Variants in DNAH12 observed in about 807,000 individuals in gnomAD.
DNAH12 encodes the protein axonemal beta dynein heavy chain 12.
DNAH12 carries 285 observed loss-of-function variants against 371.5 expected under a neutral mutation model. The observed-to-expected ratio is 0.77, with a 90% CI of 0.70 to 0.85. The LOEUF (loss-of-function observed/expected upper bound fraction) is 0.85. DNAH12 is among the 40% of genes least tolerant of loss of function. DNAH12 has a pLI of 0.00. For synonymous variants in DNAH12, 1,200 were observed against 1,213.0 expected, an observed-to-expected ratio of 0.99 and a Z score of 0.22; for missense variants, 3,611 against 3,689.4, an observed-to-expected ratio of 0.98 and a Z score of 0.55.
At chr3:57,513,280 C>T (rs2068065533) in intron 4 of DNAH12, among the ~76,000 whole-genome samples, 1 of 152,116 alleles carries the variant, frequency 6.6e-6, no homozygotes, top group East Asian at 1.9e-4. Flanking sequence ...GAAAACCAAA[C>T]ACCGCATGTT....
chr3:57,396,873 G>T (rs2063752736), intron 43 of DNAH12, among the ~76,000 whole-genome samples: 1 of 152,110 alleles, frequency 6.6e-6, no homozygotes, highest in African/African-American at 2.4e-5. Flanking sequence ...AGGAAAAAAA[G>T]AATTAGCCAG....
chr3:57,495,262 A>C (rs2067266969), intron 11 of DNAH12, among the ~76,000 whole-genome samples: 1 of 152,142 alleles, frequency 6.6e-6, no homozygotes, highest in Non-Finnish European at 1.5e-5. Flanking sequence ...CTTCAGAATA[A>C]GAAATATAAT....
chr3:57,494,830 G>A (rs552055922), intron 11 of DNAH12, among the ~76,000 whole-genome samples: 89 of 152,060 alleles, frequency 5.9e-4, no homozygotes, highest in Non-Finnish European at 1.2e-3. Flanking sequence ...GCAACATGGT[G>A]AAACCCCTTC....
In DNAH12 at chr3:57,413,834, T is replaced by G; in HGVS notation, c.5932A>C (p.Ile1978Leu). ...AATGCAGGCATATTCATATCATCTATAAAAATTATACACTTCTTTCCCATA... is the reference window on the plus strand; with the variant it reads ...AATGCAGGCATATTCATATCATCTAGAAAAATTATACACTTCTTTCCCATA... ...PPMGKKCIIF[I>L]DDMNMPALEK... Residue 1978 changes from isoleucine (I) to leucine (L), a missense_variant, in exon 39 of 74, where the codon ATA (isoleucine) becomes CTA (leucine). Physicochemically the swap from Ile to Leu is conservative, Grantham distance 5. Coordinates refer to ENST00000495027, the MANE Select transcript of DNAH12 (RefSeq NM_001366028.2). 6.4e-7 allele frequency: 1 copy of G among 1,551,248 alleles called. No homozygotes were observed. The highest frequency in any genetic ancestry group is 1.7e-4 in the Middle Eastern group (1 of 5,986).
chr3:57,523,679 A>G, intron 3 of DNAH12, 70 bp from the exon 4 acceptor site: 1 of 1,304,342 alleles, frequency 7.7e-7, no homozygotes, highest in Non-Finnish European at 1.0e-6. Context: ...TTGTTTAAAA[A>G]TTAAATATAT....
At chr3:57,487,372 AG>A (rs1236416593) in intron 12 of DNAH12, among the ~76,000 whole-genome samples, 1 of 76,610 alleles carries the variant, frequency 1.3e-5, no homozygotes, top group African/African-American at 4.7e-5. Context: ...AGAGAAAGAA[AG>A]AAAAAAAAAA....
chr3:57,435,391 AAG>A lies in DNAH12; in HGVS notation c.4655+1558_4655+1559del, dbSNP rs1553691244. 4.6e-5 allele frequency among the ~76,000 whole-genome samples: 7 copies of A among 151,210 alleles called. No individual in the cohort carries two copies. The East Asian group carries it at 1.4e-3, about 29-fold the overall frequency. On this transcript the variant is annotated intron_variant, in intron 30 of 73. Transcript: ENST00000495027. ...TGTCTCCCAAAAAAAAAAAAAAAAA[AAG>A]AATATAATTCCCAGTAATCATTTCA...
rs1169602185 is a variant in DNAH12, at chr3:57,371,941, C to CAAA, written c.8759+3427_8759+3429dup. On this transcript the variant is annotated intron_variant, in intron 55 of 73. Transcript: ENST00000495027. ...TGTCAACCCAGAATTCTAAACTCAG[C>CAAA]AAAAAAAAAAAAAAAAAAAAAAAAT... 6.2e-4 allele frequency among the ~76,000 whole-genome samples: 16 copies of CAAA among 25,826 alleles called. 1 individual carries two copies. Among genetic ancestry groups the CAAA allele is most frequent in the Non-Finnish European group, 5.4e-4 (7 of 12,854 alleles). The allele number at this position is 25,826 out of a possible 152,430, so 16.9% of individuals were successfully genotyped here.
intron 37 of DNAH12, 88 bp from the exon 38 acceptor site, chr3:57,415,652 A>T: frequency 7.7e-7 from 1 of 1,291,560 alleles, no homozygotes; most frequent in Non-Finnish European, 1.0e-6. Context: ...AAAAGTGTAC[A>T]TAAGAATCAA....
At chr3:57,515,050 A>G (rs1168147273) in intron 4 of DNAH12, among the ~76,000 whole-genome samples, 2 of 152,198 alleles carry the variant, frequency 1.3e-5, no homozygotes, top group African/African-American at 4.8e-5. Context: ...GAAGCTATGC[A>G]TAGAGAAAGG....
rs2063596176 is a variant in DNAH12 at position 57,390,427 on chromosome 3, AT to A, written c.7305+1444del. On this transcript the variant is annotated intron_variant, in intron 45 of 73. Transcript: ENST00000495027. ...CTGTCTCAAAAAAAAAAAAAAAAAT[AT>A]ATATATATATATATATATATATACT... 2.8e-3 allele frequency among the ~76,000 whole-genome samples: 140 copies of A among 50,334 alleles called. 4 individuals are homozygous for A. The highest frequency in any genetic ancestry group is 7.1e-3 in the African/African-American group (130 of 18,250). 33.0% of individuals were successfully genotyped at this position (50,334 alleles called of 152,430 possible). A position where few individuals can be genotyped will look rare whatever the true frequency, so the allele number is the denominator to read the frequency against.
intron 69 of DNAH12, among the ~76,000 whole-genome samples, chr3:57,304,039 C>T (rs778264568): frequency 3.3e-5 from 5 of 151,698 alleles, no homozygotes; most frequent in Non-Finnish European, 7.4e-5. Context: ...AAAATCTCCC[C>T]CACTGAGCAC....
At chr3:57,492,182 C>T (rs915325427) in intron 11 of DNAH12, among the ~76,000 whole-genome samples, 1 of 151,510 alleles carries the variant, frequency 6.6e-6, no homozygotes. Flanking sequence ...AATAATAGGC[C>T]GGGAGTGGTG....
chr3:57,296,946 C>G lies in DNAH12; in HGVS notation c.11433G>C (p.Leu3811=), dbSNP rs972892502. 91 of 1,551,550 alleles carry G rather than the reference C, an allele frequency of 5.9e-5. No individual in the cohort carries two copies. Among genetic ancestry groups the G allele is most frequent in the Non-Finnish European group, 7.4e-5 (85 of 1,146,996 alleles). The part of the protein sequence containing the change: ...YNSGKPCVFW[L]SGFFFTQAFL... ...AGGCCTGAGTGAAAAAGAAACCTGA[C>G]AGCCAAAACACACAAGGTTTTCCTG... Residue 3811 remains leucine, a synonymous_variant, in exon 71 of 74, where the codon CTG becomes CTC. Coordinates refer to ENST00000495027, the MANE Select transcript of DNAH12 (RefSeq NM_001366028.2).
chr3:57,528,600 C>T (rs1250293629), intron 2 of DNAH12, among the ~76,000 whole-genome samples: 1 of 80,004 alleles, frequency 1.2e-5, no homozygotes, highest in African/African-American at 5.0e-5. Flanking sequence ...TGGGGCATGC[C>T]TGTAATCCCA....
chr3:57,508,329 AAT>A lies in DNAH12; in HGVS notation c.701+51_701+52del, dbSNP rs1331705672. On this transcript the variant is annotated intron_variant, in intron 7 of 73. Coordinates refer to ENST00000495027, the MANE Select transcript of DNAH12 (RefSeq NM_001366028.2). ...CCATTTTAAAAATTATACAGTCAAA[AAT>A]ATAGACTCAAGCAAGGAGACATTCA... 3 of 1,474,262 alleles carry A rather than the reference AAT, an allele frequency of 2.0e-6. No homozygotes were observed. In the East Asian group the frequency reaches 7.7e-5, roughly 38 times the overall value. The allele number at this position is 1,474,262 out of a possible 1,614,324, so 91.3% of individuals were successfully genotyped here. A position where few individuals can be genotyped will look rare whatever the true frequency, so the allele number is the denominator to read the frequency against.
chr3:57,516,774 C>T (rs530423529), intron 4 of DNAH12, among the ~76,000 whole-genome samples: 15 of 152,202 alleles, frequency 9.9e-5, no homozygotes, highest in East Asian at 7.7e-4. Context: ...ATCTAAGTGG[C>T]CTTTTTCATA....
At chr3:57,421,902 CTTTTT>C (rs368757579) in intron 35 of DNAH12, among the ~76,000 whole-genome samples, 196 bp from the exon 36 acceptor site, 2 of 98,544 alleles carry the variant, frequency 2.0e-5, no homozygotes, top group East Asian at 2.3e-4. Context: ...GTTTGCATGT[CTTTTT>C]TTTTTTTTTT....
At chr3:57,432,769 A>G (rs1203071133) in intron 32 of DNAH12, among the ~76,000 whole-genome samples, 1 of 152,218 alleles carries the variant, frequency 6.6e-6, no homozygotes, top group Non-Finnish European at 1.5e-5. Flanking sequence ...CAAACTAGGA[A>G]GGAACATGAG....
Sources: allele counts gnomAD v4.1 joint callset (sites outside exome capture counted in the v4.1 genomes callset), GRCh38; gene constraint gnomAD v4.1.1; transcripts MANE v1.5; gene names NCBI Gene and HGNC (gene_info 2026-07-23, HGNC 2026-07-21).